PTPRO: variants seen among roughly 807,000 people sequenced by gnomAD.
PTPRO encodes protein tyrosine phosphatase receptor type O.
Under a neutral mutation model 145.2 loss-of-function variants are expected in PTPRO, and 62 were observed. The ratio of observed to expected loss-of-function variants is 0.43; its 90% confidence interval spans 0.35 to 0.53. PTPRO has a LOEUF of 0.53. Among genes scored for constraint, PTPRO ranks in the 20% least tolerant of loss-of-function variants. PTPRO has a pLI of 0.01. For missense variants in PTPRO, 1,345 were observed against 1,482.7 expected (o/e 0.91, Z 1.53); for synonymous variants, 565 against 514.7 (o/e 1.10, Z -1.32).
intron 1 of PTPRO, among the ~76,000 whole-genome samples, chr12:15,467,806 G>A (rs1941451092): frequency 6.6e-6 from 1 of 152,172 alleles, no homozygotes. Flanking sequence ...AACACCTCCA[G>A]GTGAAACCCA....
chr12:15,398,089 G>A (rs1939391476), intron 1 of PTPRO, among the ~76,000 whole-genome samples: 1 of 152,182 alleles, frequency 6.6e-6, no homozygotes, highest in African/African-American at 2.4e-5. Flanking sequence ...CATCTTTAAT[G>A]TGAAGATAAA....
chr12:15,353,437 T>G (rs1937878393), intron 1 of PTPRO, among the ~76,000 whole-genome samples: 1 of 152,004 alleles, frequency 6.6e-6, no homozygotes, highest in Non-Finnish European at 1.5e-5. Flanking sequence ...CATTATTAAG[T>G]GAGGAACAAT....
chr12:15,503,780 G>A (rs768838149), intron 5 of PTPRO, 128 bp from the exon 6 acceptor site: 2 of 663,746 alleles, frequency 3.0e-6, no homozygotes, highest in Non-Finnish European at 5.1e-6. Context: ...GTTTAGAGGT[G>A]TAATTGAACT....
chr12:15,503,547 T>C (rs1266771060), intron 5 of PTPRO, among the ~76,000 whole-genome samples: 1 of 152,172 alleles, frequency 6.6e-6, no homozygotes, highest in Non-Finnish European at 1.5e-5. Flanking sequence ...TCCTGGTTAT[T>C]TTTTAGCCCT....
chr12:15,411,594 C>G (rs189707023), intron 1 of PTPRO, among the ~76,000 whole-genome samples: 2 of 152,186 alleles, frequency 1.3e-5, no homozygotes, highest in Admixed American at 6.5e-5. Context: ...TGCTGTCATA[C>G]GTCTCACTAC....
chr12:15,518,436 C>T (rs1159858744), intron 9 of PTPRO, among the ~76,000 whole-genome samples: 2 of 152,228 alleles, frequency 1.3e-5, no homozygotes, highest in African/African-American at 2.4e-5. Flanking sequence ...GACCTGGAGA[C>T]ATTTTCCCCA....
intron 1 of PTPRO, among the ~76,000 whole-genome samples, chr12:15,429,571 C>A (rs1442801218): frequency 6.6e-6 from 1 of 152,108 alleles, no homozygotes; most frequent in Non-Finnish European, 1.5e-5. Flanking sequence ...ACTGAAAGTT[C>A]TTTATGGCTG....
chr12:15,494,166 CA>C (rs1466589657), intron 2 of PTPRO, among the ~76,000 whole-genome samples: 1 of 152,166 alleles, frequency 6.6e-6, no homozygotes. Context: ...GGGTAAGTTA[CA>C]GGGGGGAATT....
chr12:15,332,098 T>G (rs1251706046), intron 1 of PTPRO, among the ~76,000 whole-genome samples: 1 of 151,942 alleles, frequency 6.6e-6, no homozygotes, highest in African/African-American at 2.4e-5. Context: ...CCCAAGTGGC[T>G]GCGATTACAG....
At chr12:15,343,800 G>A (rs10083121) in intron 1 of PTPRO, among the ~76,000 whole-genome samples, 33,303 of 152,026 alleles carry the variant, frequency 0.22, 4,232 homozygotes, top group Non-Finnish European at 0.29. Flanking sequence ...TCCCGGGTTC[G>A]CGCCATTCTC....
intron 1 of PTPRO, among the ~76,000 whole-genome samples, chr12:15,342,937 ATAAT>A (rs1324951637): frequency 6.6e-6 from 1 of 152,188 alleles, no homozygotes; most frequent in Non-Finnish European, 1.5e-5. Flanking sequence ...GTGTACCAGA[ATAAT>A]TGTGTGTGAA....
chr12:15,478,970 CATTAA>C (rs1267485062), intron 1 of PTPRO, among the ~76,000 whole-genome samples: 3 of 152,146 alleles, frequency 2.0e-5, no homozygotes, highest in African/African-American at 7.2e-5. Flanking sequence ...CAGGCCCGGC[CATTAA>C]ATTTAATTTT....
At chr12:15,350,014 G>T (rs191286160) in intron 1 of PTPRO, among the ~76,000 whole-genome samples, 22 of 152,254 alleles carry the variant, frequency 1.4e-4, no homozygotes, top group African/African-American at 5.3e-4. Flanking sequence ...AGGTAGAGAT[G>T]CCCAGAAGCC....
At chr12:15,549,450 G>A (rs571233215) in intron 14 of PTPRO, among the ~76,000 whole-genome samples, 3 of 152,098 alleles carry the variant, frequency 2.0e-5, no homozygotes, top group African/African-American at 7.2e-5. Context: ...GTAACTTTCT[G>A]AGTTGTTTTG....
chr12:15,505,032 A>C (rs1942294078), intron 6 of PTPRO, among the ~76,000 whole-genome samples: 1 of 152,236 alleles, frequency 6.6e-6, no homozygotes, highest in Non-Finnish European at 1.5e-5. Context: ...GTGTCTTTCA[A>C]GTGTGAGAGA....
chr12:15,555,936 A>T (rs779708072), intron 15 of PTPRO, among the ~76,000 whole-genome samples: 4 of 152,224 alleles, frequency 2.6e-5, no homozygotes, highest in Non-Finnish European at 5.9e-5. Context: ...CATCATGGTG[A>T]TGCATATGAC....
chr12:15,592,886 T>C lies in PTPRO; in HGVS notation c.3547-2051T>C, dbSNP rs1038119733. On this transcript the variant is annotated intron_variant, in intron 25 of 26. Coordinates refer to ENST00000281171, the MANE Select transcript of PTPRO (RefSeq NM_030667.3). ...TCTAATATCCTTCCCTGGAGGTCAG[T>C]TGGGGCTTTGCTTTGAGCAGCCCAT... Among the ~76,000 whole-genome samples the C allele has an allele frequency of 2.0e-5, 3 of 152,240 alleles. No homozygotes were observed. The South Asian group carries it at 6.2e-4, about 31-fold the overall frequency.
At chr12:15,522,760 A>G (rs557512084) in intron 10 of PTPRO, among the ~76,000 whole-genome samples, 86 of 152,332 alleles carry the variant, frequency 5.6e-4, no homozygotes, top group Non-Finnish European at 1.0e-3. Context: ...CAAAGTATTA[A>G]TAAACAAATA....
chr12:15,371,957 T>G (rs554662377), intron 1 of PTPRO, among the ~76,000 whole-genome samples: 1 of 152,350 alleles, frequency 6.6e-6, no homozygotes, highest in East Asian at 1.9e-4. Context: ...CCAGTCATGC[T>G]GAACTGTGAG....
Sources: gnomAD v4.1 joint callset for allele counts (sites outside exome capture counted in the v4.1 genomes callset) on GRCh38, gnomAD v4.1.1 for gene constraint, MANE v1.5 for transcripts, NCBI Gene and HGNC (gene_info 2026-07-23, HGNC 2026-07-21) for gene names.